Variants in TMEM165 observed in about 807,000 individuals in gnomAD.
TMEM165 encodes the protein transmembrane protein 165.
TMEM165 carries 19 observed loss-of-function variants against 30.0 expected under a neutral mutation model. The ratio of observed to expected loss-of-function variants is 0.63; its 90% CI spans 0.44 to 0.93. The LOEUF is 0.93. Among genes scored for constraint, TMEM165 ranks in the 40% least tolerant of loss-of-function variants. TMEM165 has a pLI of 0.00. For synonymous variants in TMEM165, 168 were observed against 162.9 expected, an observed-to-expected ratio of 1.03 and a Z score of -0.24; for missense variants, 340 against 417.0, an observed-to-expected ratio of 0.82 and a Z score of 1.61.
At chr4:55,421,121 C>T (rs1375567443) in intron 4 of TMEM165, among the ~76,000 whole-genome samples, 2 of 136,214 alleles carry the variant, frequency 1.5e-5, no homozygotes, top group Non-Finnish European at 3.1e-5. Flanking sequence ...GAGCCGAGAT[C>T]GCGCCACTGC....
At chr4:55,424,686 C>T (rs760164316) in intron 5 of TMEM165, 43 bp downstream of exon 5, 1 of 1,279,828 alleles carries the variant, frequency 7.8e-7, no homozygotes, top group Non-Finnish European at 1.1e-6. Context: ...TTTAGAATCA[C>T]TGAGAGATTA....
chr4:55,435,707 A>C, intron 3 of TMEM165: 2 of 1,044,230 alleles, frequency 1.9e-6, no homozygotes, highest in Non-Finnish European at 2.9e-6. Context: ...ATTCTACATA[A>C]TGCATATCAC....
chr4:55,402,278 G>A (rs1401893058), intron 1 of TMEM165, among the ~76,000 whole-genome samples: 2 of 144,502 alleles, frequency 1.4e-5, no homozygotes, highest in African/African-American at 2.7e-5. Context: ...TAACAATAAA[G>A]TATTTAAAAA....
rs1016031959 is a variant in TMEM165 at position 55,448,583 on chromosome 4, T to TGCGC, written c.409-3649_409-3646dup. Among the ~76,000 whole-genome samples the TGCGC allele has an allele frequency of 1.2e-3, 127 of 106,038 alleles. 1 individual carries two copies. The highest frequency in any genetic ancestry group is 8.8e-4 in the Non-Finnish European group (43 of 48,822). 69.6% of individuals were successfully genotyped at this position (106,038 alleles called of 152,430 possible). On this transcript the variant is annotated intron_variant, in intron 3 of 3. Transcript: ENST00000608091. ...GCATCTGTAACTATAATTATATATGTGCGCGCGCGCACGCGCGCGTGTGTG... is the reference window on the plus strand; with the variant it reads ...GCATCTGTAACTATAATTATATATGTGCGCGCGCGCGCGCACGCGCGCGTGTGTG...
At chr4:55,443,608 G>T in intron 3 of TMEM165, 1 of 1,061,278 alleles carries the variant, frequency 9.4e-7, no homozygotes, top group East Asian at 2.4e-5. Flanking sequence ...TTTATCATTA[G>T]AGCTTTATTT....
chr4:55,400,281 T>A (rs1417024396), intron 1 of TMEM165, among the ~76,000 whole-genome samples: 1 of 95,182 alleles, frequency 1.1e-5, no homozygotes, highest in Non-Finnish European at 1.8e-5. Context: ...TAATATAATA[T>A]TATATATTAT....
chr4:55,424,543 C>G lies in TMEM165; in HGVS notation c.798C>G (p.Pro266=). 2.5e-6 allele frequency: 4 copies of G among 1,610,150 alleles called. No individual in the cohort carries two copies. The highest frequency in any genetic ancestry group is 3.4e-6 in the Non-Finnish European group (4 of 1,176,432). ...GCTGTGACGCTTGCTTCCAGGACCC[C>G]TATGGTGTAGCCGTGGGTGGAACTG... ...TTIVLAARED[P]YGVAVGGTVG... Residue 266 remains proline, a synonymous_variant, in exon 5 of 6, where the codon CCC becomes CCG. Transcript: ENST00000381334.
In TMEM165 at chr4:55,425,584, A is replaced by C. The variant is rs6812595; in HGVS notation, c.*132A>C. The C allele has an allele frequency of 0.035, 23,339 of 670,644 alleles. 537 individuals are homozygous for C. Among genetic ancestry groups the C allele is most frequent in the Non-Finnish European group, 0.04 (16,102 of 400,976 alleles). The allele number at this position is 670,644 out of a possible 1,614,324, so 41.5% of individuals were successfully genotyped here. ...ACTGATTTTGTGAGTTTGACCCATT[A>C]TTATGTCTGAGATATAATCATTGAT... On this transcript the variant is annotated 3_prime_UTR_variant, in exon 6 of 6. Transcript: ENST00000381334.
intron 3 of TMEM165, chr4:55,444,880 G>T: frequency 7.8e-7 from 1 of 1,283,020 alleles, no homozygotes; most frequent in Non-Finnish European, 1.1e-6. Context: ...TAACATGAGT[G>T]AAGGATGATA....
intron 3 of TMEM165, chr4:55,448,879 A>AT: frequency 6.3e-7 from 1 of 1,596,284 alleles, no homozygotes; most frequent in Non-Finnish European, 8.6e-7. Flanking sequence ...CTAGAGCAAA[A>AT]TAAAAAATAA....
chr4:55,427,345 G>A (rs1186960920), downstream of TMEM165, among the ~76,000 whole-genome samples: 1 of 108,208 alleles, frequency 9.2e-6, no homozygotes, highest in Non-Finnish European at 1.9e-5. Context: ...CTACTAATAC[G>A]TTTTGTTTGT....
At chr4:55,418,602 T>A (rs547581230) in intron 4 of TMEM165, among the ~76,000 whole-genome samples, 7 of 152,234 alleles carry the variant, frequency 4.6e-5, no homozygotes, top group Admixed American at 2.6e-4. Flanking sequence ...CTTATAATTA[T>A]TGTAACTTAG....
rs1223979081 is a variant in TMEM165 at position 55,417,056 on chromosome 4, G to A, written c.434-16G>A. 1.3e-6 allele frequency: 2 copies of A among 1,582,452 alleles called. No homozygotes were observed. Among genetic ancestry groups the A allele is most frequent in the African/African-American group, 2.7e-5 (2 of 73,454 alleles). ...TACACACTCGATTAACAAACATACTGTTGTATTTTTTCCAGTTTTGTTTGG... is the reference window on the plus strand; with the variant it reads ...TACACACTCGATTAACAAACATACTATTGTATTTTTTCCAGTTTTGTTTGG... On this transcript the variant is annotated splice_polypyrimidine_tract_variant and intron_variant, in intron 2 of 5. Transcript: ENST00000381334.
At chr4:55,405,569 A>G (rs1721233879) in intron 1 of TMEM165, among the ~76,000 whole-genome samples, 1 of 152,190 alleles carries the variant, frequency 6.6e-6, no homozygotes, top group Admixed American at 6.5e-5. Flanking sequence ...TAAATACATA[A>G]TAGCGTTTTA....
chr4:55,410,134 C>G (rs978463451), intron 1 of TMEM165, among the ~76,000 whole-genome samples: 3 of 152,114 alleles, frequency 2.0e-5, no homozygotes, highest in Admixed American at 1.3e-4. Flanking sequence ...CTTGTAACTT[C>G]TTAAAAATGT....
chr4:55,400,372 TTAA>T (rs1720942657), intron 1 of TMEM165, among the ~76,000 whole-genome samples: 1 of 46,674 alleles, frequency 2.1e-5, no homozygotes, highest in African/African-American at 4.8e-5. Context: ...ATTAATTATA[TTAA>T]TATAATAATA....
chr4:55,448,592 G>C (rs1051005396), intron 3 of TMEM165, among the ~76,000 whole-genome samples: 1 of 130,916 alleles, frequency 7.6e-6, no homozygotes, highest in East Asian at 2.1e-4. Context: ...GTGCGCGCGC[G>C]CACGCGCGCG....
chr4:55,398,040 G>A (rs552504787), intron 1 of TMEM165, among the ~76,000 whole-genome samples: 4 of 152,060 alleles, frequency 2.6e-5, no homozygotes, highest in Non-Finnish European at 5.9e-5. Context: ...CATTGTTTTC[G>A]TGTTTCATGT....
intron 1 of TMEM165, among the ~76,000 whole-genome samples, chr4:55,404,876 G>A (rs575009761): frequency 9.2e-5 from 14 of 152,290 alleles, no homozygotes; most frequent in African/African-American, 3.4e-4. Flanking sequence ...AAGCCCGTTT[G>A]ACCTCAGTTT....
Sources: allele counts gnomAD v4.1 joint callset (sites outside exome capture counted in the v4.1 genomes callset), GRCh38; gene constraint gnomAD v4.1.1; transcripts MANE v1.5; gene names NCBI Gene and HGNC (gene_info 2026-07-23, HGNC 2026-07-21).